Variants in SCFD2 observed in about 807,000 individuals in gnomAD.
SCFD2 encodes the protein sec1 family domain containing 2.
In SCFD2, 54 loss-of-function variants were observed where a neutral mutation model predicts 58.9. The ratio of observed to expected loss-of-function variants is 0.92; its 90% CI spans 0.74 to 1.15. SCFD2 has a LOEUF of 1.15. Among genes scored for constraint, SCFD2 ranks in the 50% most tolerant of loss-of-function variants. The probability of loss-of-function intolerance (pLI) is 0.00; values close to 1 mark genes in which losing one functional copy is unlikely to be tolerated. For missense variants in SCFD2, 805 were observed against 836.6 expected (o/e 0.96, Z 0.47); for synonymous variants, 321 against 335.9 (o/e 0.96, Z 0.49).
At chr4:53,265,376 A>G (rs1730953132) in intron 4 of SCFD2, 1 of 152,184 alleles carries the variant, frequency 6.6e-6, no homozygotes, top group Admixed American at 6.5e-5. Context: ...TTTTAAGACA[A>G]GTAGAAACAG....
chr4:53,334,830 CCTT>C (rs1329522313), intron 2 of SCFD2, among the ~76,000 whole-genome samples: 1 of 152,114 alleles, frequency 6.6e-6, no homozygotes, highest in Non-Finnish European at 1.5e-5. Context: ...TCTCAAAATG[CCTT>C]CTTTATTCAA....
chr4:53,365,676 AG>A lies in SCFD2; in HGVS notation c.265del (p.Leu89TyrfsTer19). 1 of 1,614,218 alleles carries A rather than the reference AG, an allele frequency of 6.2e-7. No homozygotes were observed. The highest frequency in any genetic ancestry group is 8.5e-7 in the Non-Finnish European group (1 of 1,180,038). On this transcript the variant is annotated frameshift_variant, in exon 1 of 9. Transcript: ENST00000401642. LOFTEE classifies it high-confidence loss of function. The surrounding 1 kb of genome is among the most constrained non-coding windows in gnomAD (Gnocchi z 4.3). ...GTGACTGCGGCAGATGATGTCCCGT[AG>A]GATCTCCACGGTCCGGCCTTTCAGC... is the stretch of plus-strand genomic sequence containing the variant. The part of the protein sequence containing the change: ...CLLKGRTVEI[L>X]RDIICRSHFQ...
At chr4:53,031,996 C>T (rs145813311) in intron 5 of SCFD2, among the ~76,000 whole-genome samples, 1,738 of 152,200 alleles carry the variant, frequency 0.011, 17 homozygotes, top group Middle Eastern at 0.034. Flanking sequence ...ATCAGATTCA[C>T]CAAGGTTGAA....
chr4:53,200,481 C>G (rs1728195201), intron 4 of SCFD2, among the ~76,000 whole-genome samples: 1 of 152,032 alleles, frequency 6.6e-6, no homozygotes, highest in South Asian at 2.1e-4. Flanking sequence ...TATCCTGATA[C>G]AATCAGATTT....
intron 4 of SCFD2, among the ~76,000 whole-genome samples, chr4:53,146,755 A>T (rs770011120): frequency 6.6e-6 from 1 of 152,224 alleles, no homozygotes; most frequent in Non-Finnish European, 1.5e-5. Flanking sequence ...AGAGATAGAG[A>T]GAGACCCCAT....
chr4:53,058,808 C>T (rs1723422527), intron 5 of SCFD2, among the ~76,000 whole-genome samples: 2 of 152,074 alleles, frequency 1.3e-5, no homozygotes, highest in South Asian at 4.2e-4. Context: ...TGCTTATCCC[C>T]AGAACCCCAG....
intron 4 of SCFD2, among the ~76,000 whole-genome samples, chr4:53,243,230 A>C (rs1729956735): frequency 6.6e-6 from 1 of 152,198 alleles, no homozygotes; most frequent in Admixed American, 6.5e-5. Flanking sequence ...AGCTAAACAG[A>C]AAGTATAGGT....
At chr4:53,251,098 C>T (rs569005664) in intron 4 of SCFD2, among the ~76,000 whole-genome samples, 2 of 152,262 alleles carry the variant, frequency 1.3e-5, no homozygotes, top group South Asian at 2.1e-4. Flanking sequence ...GATAATACTA[C>T]AAACACCTCT....
At chr4:53,247,702 A>G (rs1408542813) in intron 4 of SCFD2, among the ~76,000 whole-genome samples, 3 of 151,054 alleles carry the variant, frequency 2.0e-5, no homozygotes, top group African/African-American at 7.3e-5. Flanking sequence ...TACTAAAAAA[A>G]TACAAAAAAT....
chr4:53,247,600 C>T (rs1730135089), intron 4 of SCFD2, among the ~76,000 whole-genome samples: 1 of 152,064 alleles, frequency 6.6e-6, no homozygotes. Context: ...TGGCTCACGC[C>T]TGTAATCCCA....
Position 52,882,423 on chromosome 4 carries a change from T to C in SCFD2, c.1962+3324A>G, listed in dbSNP as rs577593562. 2.0e-4 allele frequency among the ~76,000 whole-genome samples: 31 copies of C among 152,302 alleles called. No individual in the cohort carries two copies. In the South Asian group the frequency reaches 5.8e-3, roughly 29 times the overall value. On this transcript the variant is annotated intron_variant, in intron 8 of 8. Coordinates refer to ENST00000401642, the MANE Select transcript of SCFD2 (RefSeq NM_152540.4). The stretch of plus-strand genomic sequence containing the variant: ...GAATGAAGCCCTCCATGACGGTTAA[T>C]TGAGTGTCAACTTGATTAGATTGAA...
intron 7 of SCFD2, among the ~76,000 whole-genome samples, chr4:52,893,923 T>C (rs1718940887): frequency 6.6e-6 from 1 of 152,160 alleles, no homozygotes; most frequent in Non-Finnish European, 1.5e-5. Flanking sequence ...CCCCAGGACA[T>C]CCCATGGGCC....
intron 5 of SCFD2, among the ~76,000 whole-genome samples, chr4:52,953,833 A>T (rs12511248): frequency 1.3e-5 from 2 of 152,230 alleles, no homozygotes; most frequent in Admixed American, 1.3e-4. Flanking sequence ...TATTTGATAA[A>T]TAATAAGATT....
chr4:53,237,769 G>A (rs1729696120), intron 4 of SCFD2, among the ~76,000 whole-genome samples: 3 of 97,374 alleles, frequency 3.1e-5, no homozygotes, highest in Non-Finnish European at 4.3e-5. Flanking sequence ...CCGGGCGGGG[G>A]GCTGACCCCC....
chr4:53,254,554 G>A (rs1050248269), intron 4 of SCFD2, among the ~76,000 whole-genome samples: 1 of 150,864 alleles, frequency 6.6e-6, no homozygotes, highest in Non-Finnish European at 1.5e-5. Flanking sequence ...GGCCAGGCTG[G>A]TCTCGAACCC....
chr4:53,237,624 G>T (rs1577878283), intron 4 of SCFD2, among the ~76,000 whole-genome samples: 8 of 134,240 alleles, frequency 6.0e-5, no homozygotes, highest in Non-Finnish European at 1.1e-4. Flanking sequence ...CCCGGACGGG[G>T]CGGCTGGCCG....
chr4:52,882,374 A>C (rs1339557511), intron 8 of SCFD2, among the ~76,000 whole-genome samples: 1 of 152,206 alleles, frequency 6.6e-6, no homozygotes, highest in African/African-American at 2.4e-5. Flanking sequence ...TTTGGGCTTC[A>C]TCTAGAGGAG....
At chr4:52,910,347 G>A (rs1366294879) in intron 6 of SCFD2, among the ~76,000 whole-genome samples, 6 of 152,192 alleles carry the variant, frequency 3.9e-5, no homozygotes, top group Non-Finnish European at 2.9e-5. Flanking sequence ...TGGTGAAGCA[G>A]AGAGCTGGAG....
chr4:53,227,177 T>C (rs183288517), intron 4 of SCFD2, among the ~76,000 whole-genome samples: 1 of 152,138 alleles, frequency 6.6e-6, no homozygotes, highest in African/African-American at 2.4e-5. Flanking sequence ...ATCCTTCCTA[T>C]CACCACTCTA....
Sources: allele counts gnomAD v4.1 joint callset (sites outside exome capture counted in the v4.1 genomes callset), GRCh38; gene constraint gnomAD v4.1.1; non-coding constraint Gnocchi (gnomAD v3.1); transcripts MANE v1.5; gene names NCBI Gene and HGNC (gene_info 2026-07-23, HGNC 2026-07-21).